Variants in IFT88 observed in about 807,000 individuals in gnomAD.
The protein encoded by IFT88 is intraflagellar transport 88.
IFT88 carries 74 observed loss-of-function variants against 119.5 expected under a neutral mutation model. That is an observed-to-expected ratio of 0.62 (90% confidence interval 0.51 to 0.75). The LOEUF is 0.75. Ranked by LOEUF, IFT88 falls within the 30% of genes least tolerant of loss-of-function variation. The pLI is 0.00. For missense variants in IFT88, 961 were observed against 977.7 expected (o/e 0.98, Z 0.23); for synonymous variants, 279 against 316.7 (o/e 0.88, Z 1.26).
At chr13:20,658,608 T>A (rs555211625) in intron 22 of IFT88, among the ~76,000 whole-genome samples, 45 of 152,346 alleles carry the variant, frequency 3.0e-4, no homozygotes, top group African/African-American at 9.1e-4. Context: ...GGCAAGAGTT[T>A]CTCGGCCTTG....
intron 14 of IFT88, among the ~76,000 whole-genome samples, chr13:20,623,165 G>C (rs1418383799): frequency 2.0e-5 from 3 of 152,130 alleles, no homozygotes; most frequent in Non-Finnish European, 2.9e-5. Context: ...CTATGCTATT[G>C]GTCTACATGT....
At chr13:20,600,326 A>G (rs1362810879) in intron 11 of IFT88, among the ~76,000 whole-genome samples, 1 of 152,150 alleles carries the variant, frequency 6.6e-6, no homozygotes, top group Non-Finnish European at 1.5e-5. Flanking sequence ...ATAATCAATA[A>G]TCAAGACAAT....
At chr13:20,645,446 A>AATATATTTCCCTTT (rs1480440871) in intron 20 of IFT88, among the ~76,000 whole-genome samples, 2 of 152,066 alleles carry the variant, frequency 1.3e-5, no homozygotes, top group African/African-American at 2.4e-5. Context: ...TATTGTGATA[A>AATATATTTCCCTTT]ATATATTTCC....
chr13:20,657,744 A>ATTGGCTGGTCTT (rs2053084390), intron 22 of IFT88, among the ~76,000 whole-genome samples: 3 of 152,048 alleles, frequency 2.0e-5, no homozygotes, highest in African/African-American at 7.3e-5. Context: ...CCTGGCCAAT[A>ATTGGCTGGTCTT]GAGCGAGATT....
chr13:20,597,111 A>T lies in IFT88; in HGVS notation c.586A>T (p.Thr196Ser). Residue 196 changes from threonine (T) to serine (S), a missense_variant, in exon 9 of 26, where the codon ACT becomes TCT. Thr to Ser is a moderately conservative substitution (Grantham distance 58). Coordinates refer to ENST00000351808, the MANE Select transcript of IFT88 (RefSeq NM_006531.5). Reference sequence around the variant, plus strand: ...TCCAGAAAATATCAATTTGGATTTAACTTACTCAGTAAGTATTGAAATATA... The same window carrying T: ...TCCAGAAAATATCAATTTGGATTTATCTTACTCAGTAAGTATTGAAATATA... ...TTPENINLDL[T>S]YSVLFNLASQ... 1 of 1,570,108 alleles carries T rather than the reference A, an allele frequency of 6.4e-7. No individual in the cohort carries two copies. Among genetic ancestry groups the T allele is most frequent in the Non-Finnish European group, 8.7e-7 (1 of 1,146,850 alleles).
intron 20 of IFT88, among the ~76,000 whole-genome samples, chr13:20,648,585 C>T (rs1790826874): frequency 6.6e-6 from 1 of 151,236 alleles, no homozygotes; most frequent in African/African-American, 2.4e-5. Flanking sequence ...CAACAAAATA[C>T]CAAAAAAGAG....
chr13:20,577,686 G>T (rs2037659505), intron 2 of IFT88, among the ~76,000 whole-genome samples: 1 of 152,104 alleles, frequency 6.6e-6, no homozygotes, highest in Non-Finnish European at 1.5e-5. Flanking sequence ...AACCATCCTT[G>T]CATCCCTGGG....
chr13:20,654,165 A>G (rs139144785), intron 21 of IFT88, among the ~76,000 whole-genome samples: 75 of 152,336 alleles, frequency 4.9e-4, no homozygotes, highest in African/African-American at 1.6e-3. Flanking sequence ...CAGATTTGTT[A>G]TTTCTCAAAG....
intron 4 of IFT88, among the ~76,000 whole-genome samples, chr13:20,590,461 G>A (rs1430808698): frequency 6.6e-6 from 1 of 152,134 alleles, no homozygotes; most frequent in Non-Finnish European, 1.5e-5. Flanking sequence ...AGAACCTAGA[G>A]GTCCAGGGCA....
intron 13 of IFT88, among the ~76,000 whole-genome samples, chr13:20,614,087 TG>T (rs1257556730): frequency 6.6e-6 from 1 of 152,226 alleles, no homozygotes; most frequent in African/African-American, 2.4e-5. Flanking sequence ...TTATATTGGG[TG>T]AGCTGTATGG....
At chr13:20,600,040 A>G (rs1163124697) in intron 11 of IFT88, among the ~76,000 whole-genome samples, 7 of 152,264 alleles carry the variant, frequency 4.6e-5, no homozygotes, top group Admixed American at 2.0e-4. Context: ...CTTATGGTCT[A>G]GTGATAACTG....
At chr13:20,675,674 T>G (rs2056574914) in intron 24 of IFT88, among the ~76,000 whole-genome samples, 1 of 152,206 alleles carries the variant, frequency 6.6e-6, no homozygotes, top group Non-Finnish European at 1.5e-5. Flanking sequence ...TCTGCTGTTG[T>G]GTATTGAAAG....
At chr13:20,674,580 A>T (rs115826225) in intron 24 of IFT88, among the ~76,000 whole-genome samples, 1,854 of 151,920 alleles carry the variant, frequency 0.012, 37 homozygotes, top group African/African-American at 0.043. Context: ...AAATGGATCA[A>T]TTTTAGACTG....
intron 24 of IFT88, among the ~76,000 whole-genome samples, chr13:20,684,842 G>A (rs922560932): frequency 9.8e-5 from 15 of 152,320 alleles, no homozygotes; most frequent in African/African-American, 2.2e-4. Flanking sequence ...GTAGTTCCAC[G>A]TTCTCCAACT....
intron 15 of IFT88, among the ~76,000 whole-genome samples, chr13:20,628,365 C>T (rs921869311): frequency 3.3e-5 from 5 of 152,100 alleles, no homozygotes; most frequent in African/African-American, 1.2e-4. Flanking sequence ...AATGCTGAAG[C>T]CAGGAGCTAG....
Position 20,644,898 on chromosome 13 carries a change from A to T in IFT88, c.1889A>T (p.Tyr630Phe). ...GTCATTGAGTGGCTTGGAGCCTATT[A>T]CATTGACACCCAATTTTGGGAAAAA... Reference protein sequence around the residue: ...IEVIEWLGAYYIDTQFWEKAI... With the variant: ...IEVIEWLGAYFIDTQFWEKAI... Residue 630 changes from tyrosine to phenylalanine, a missense_variant, in exon 20 of 26, where the codon TAC becomes TTC. Coordinates refer to ENST00000351808, the MANE Select transcript of IFT88 (RefSeq NM_006531.5). The T allele has an allele frequency of 1.2e-6, 2 of 1,607,320 alleles. No individual in the cohort carries two copies. The highest frequency in any genetic ancestry group is 1.7e-6 in the Non-Finnish European group (2 of 1,175,296).
chr13:20,649,798 T>G (rs1298876444), intron 20 of IFT88, among the ~76,000 whole-genome samples: 2 of 152,044 alleles, frequency 1.3e-5, no homozygotes, highest in African/African-American at 4.8e-5. Flanking sequence ...AGATTAGAAA[T>G]GCAAGTAGAG....
chr13:20,676,503 G>C (rs1301538233), intron 24 of IFT88, among the ~76,000 whole-genome samples: 2 of 152,230 alleles, frequency 1.3e-5, no homozygotes, highest in Admixed American at 1.3e-4. Flanking sequence ...CAGCGCCCAT[G>C]TTCTCACCAC....
rs575717877 is a variant in IFT88 at position 20,569,585 on chromosome 13, A to T, written c.-7+2329A>T. Among the ~76,000 whole-genome samples the T allele has an allele frequency of 3.3e-4, 43 of 131,530 alleles. 1 individual carries two copies. Among genetic ancestry groups the T allele is most frequent in the South Asian group, 3.2e-3 (12 of 3,708 alleles). 86.3% of individuals were successfully genotyped at this position (131,530 alleles called of 152,430 possible). A position where few individuals can be genotyped will look rare whatever the true frequency, so the allele number is the denominator to read the frequency against. Reference sequence around the variant, plus strand: ...GAGACTCCGTCCCAAAAAAAAAAAAAATTTTTTTAAACTTTTGTGCTTCAG... The same window carrying T: ...GAGACTCCGTCCCAAAAAAAAAAAATATTTTTTTAAACTTTTGTGCTTCAG... On this transcript the variant is annotated intron_variant, in intron 1 of 25. Coordinates refer to ENST00000351808, the MANE Select transcript of IFT88 (RefSeq NM_006531.5).
Sources: gnomAD v4.1 joint callset for allele counts (sites outside exome capture counted in the v4.1 genomes callset) on GRCh38, gnomAD v4.1.1 for gene constraint, MANE v1.5 for transcripts, NCBI Gene and HGNC (gene_info 2026-07-23, HGNC 2026-07-21) for gene names.